CDH23: variants seen among roughly 807,000 people sequenced by gnomAD.
CDH23 encodes cadherin-23.
A neutral mutation model predicts 317.1 loss-of-function variants in CDH23; 189 were observed. That is an observed-to-expected ratio of 0.60 (90% CI 0.53 to 0.67). The LOEUF (loss-of-function observed/expected upper bound fraction) is 0.67, where lower values mean the gene tolerates loss of function less well. Among genes scored for constraint, CDH23 ranks in the 30% least tolerant of loss-of-function variants. CDH23 has a pLI of 0.00. For synonymous variants in CDH23, 1,839 were observed against 1,876.8 expected (o/e 0.98, Z 0.52); for missense variants, 4,401 against 4,592.4 (o/e 0.96, Z 1.20).
Position 71,800,710 on chromosome 10 carries a change from C to T in CDH23, c.7437C>T (p.Asp2479=). The T allele has an allele frequency of 6.2e-7, 1 of 1,614,008 alleles. No homozygotes were observed. Among genetic ancestry groups the T allele is most frequent in the Non-Finnish European group, 8.5e-7 (1 of 1,179,888 alleles). ...ATATCCTGACTGCCTTGGCCAAAGA[C>T]AACCCTGGGGATGTAGCCAGCAACC... ...DHYILTALAK[D]NPGDVASNRR... The change falls in exon 53 of 70, where the codon GAC becomes GAT. Residue 2479 remains aspartate (D), a synonymous_variant. Coordinates refer to ENST00000224721, the MANE Select transcript of CDH23 (RefSeq NM_022124.6).
chr10:71,448,171 C>T lies in CDH23; in HGVS notation c.145+1776C>T, dbSNP rs112047693. 2.6e-3 allele frequency among the ~76,000 whole-genome samples: 401 copies of T among 152,298 alleles called. 3 individuals carry two copies. The highest frequency in any genetic ancestry group is 8.6e-3 in the African/African-American group (356 of 41,558). ...TGCCAGGTTCTGAGCGTGGGGTCCT[C>T]AGAGGCCTATGTATTGGGATGGGTT... On this transcript the variant is annotated intron_variant, in intron 3 of 69. Transcript: ENST00000224721.
chr10:71,654,433 C>T (rs1564712495), intron 14 of CDH23, among the ~76,000 whole-genome samples: 1 of 152,194 alleles, frequency 6.6e-6, no homozygotes, highest in Non-Finnish European at 1.5e-5. Context: ...CCTTCTGTTC[C>T]CACAGAGCTT....
chr10:71,486,584 C>T (rs955148795), intron 3 of CDH23, among the ~76,000 whole-genome samples: 1 of 152,262 alleles, frequency 6.6e-6, no homozygotes, highest in Non-Finnish European at 1.5e-5. Context: ...TCATCTTACA[C>T]CAGACCTCCA....
At chr10:71,448,181 T>C (rs1445207688) in intron 3 of CDH23, among the ~76,000 whole-genome samples, 1 of 152,078 alleles carries the variant, frequency 6.6e-6, no homozygotes, top group Non-Finnish European at 1.5e-5. Flanking sequence ...CAGAGGCCTA[T>C]GTATTGGGAT....
intron 66 of CDH23, 106 bp from the exon 67 acceptor site, chr10:71,812,374 G>C (rs761595136): frequency 2.5e-6 from 4 of 1,602,148 alleles, no homozygotes; most frequent in Non-Finnish European, 3.4e-6. Context: ...TCAGTGAAAG[G>C]CACTATATGG....
intron 1 of CDH23, among the ~76,000 whole-genome samples, chr10:71,398,441 G>GTGTT (rs1434118874): frequency 7.2e-6 from 1 of 138,840 alleles, no homozygotes; most frequent in Non-Finnish European, 1.5e-5. Context: ...GTGTGTGTGT[G>GTGTT]TGTGTGTGTG....
rs759906431 is a variant in CDH23, at chr10:71,646,602, T to G, written c.1434T>G (p.Ser478=). The G allele has an allele frequency of 1.2e-6, 2 of 1,613,998 alleles. No individual in the cohort carries two copies. The highest frequency in any genetic ancestry group is 3.3e-5 in the Admixed American group (2 of 60,022). ...ACGAGAACGTCACCGTGGGGACCTC[T>G]GTGCTGACAGTCCTGGTGAGTCCCC... is the stretch of plus-strand genomic sequence containing the variant. ...SLYENVTVGT[S]VLTVLATDND... The change falls in exon 14 of 70, where the codon TCT becomes TCG. Residue 478 remains serine, a synonymous_variant. Coordinates refer to ENST00000224721, the MANE Select transcript of CDH23 (RefSeq NM_022124.6).
intron 1 of CDH23, among the ~76,000 whole-genome samples, chr10:71,406,409 G>C (rs34634659): frequency 0.39 from 59,002 of 152,026 alleles, 14,266 homozygotes; most frequent in East Asian, 0.55. Flanking sequence ...CCTGGGGCCA[G>C]GTAAATGCAA....
chr10:71,457,311 C>A (rs1850744166), intron 3 of CDH23, among the ~76,000 whole-genome samples: 1 of 152,198 alleles, frequency 6.6e-6, no homozygotes. Context: ...CCTGCACAAT[C>A]TTGTTTAACC....
chr10:71,624,174 G>A (rs891579692), intron 11 of CDH23, among the ~76,000 whole-genome samples: 15 of 152,136 alleles, frequency 9.9e-5, no homozygotes, highest in South Asian at 2.1e-4. Context: ...CCGGCTCCAC[G>A]GACTCGGTTC....
At chr10:71,572,194 TGG>T (rs1857864055) in intron 8 of CDH23, among the ~76,000 whole-genome samples, 1 of 152,222 alleles carries the variant, frequency 6.6e-6, no homozygotes, top group African/African-American at 2.4e-5. Context: ...TAGCATTCCG[TGG>T]GCAGTGGGAG....
Position 71,791,218 on chromosome 10 carries a change from A to C in CDH23, c.6136A>C (p.Ile2046Leu). ...GGAGCTGCTGCTGCTGGCTGAGGACATCGGGCTGCTCAACAGCACGGCCCA... is the reference window on the plus strand; with the variant it reads ...GGAGCTGCTGCTGCTGGCTGAGGACCTCGGGCTGCTCAACAGCACGGCCCA... ...ILELLLLAED[I>L]GLLNSTAHLL... The change falls in exon 47 of 70, where the codon ATC becomes CTC. Residue 2046 changes from isoleucine (I) to leucine (L), a missense_variant. This residue lies in a region of CDH23 where 3,068 missense variants were observed against 3,203.3 expected (regional missense o/e 0.96). Coordinates refer to ENST00000224721, the MANE Select transcript of CDH23 (RefSeq NM_022124.6). 6.2e-7 allele frequency: 1 copy of C among 1,613,752 alleles called. No homozygotes were observed. The highest frequency in any genetic ancestry group is 8.5e-7 in the Non-Finnish European group (1 of 1,179,796).
intron 38 of CDH23, among the ~76,000 whole-genome samples, chr10:71,756,846 G>A (rs1046392289): frequency 2.0e-5 from 3 of 152,202 alleles, no homozygotes; most frequent in African/African-American, 7.2e-5. Context: ...ATTTGTTTGG[G>A]AATAAAGGCT....
intron 14 of CDH23, among the ~76,000 whole-genome samples, chr10:71,669,004 C>A (rs1037024085): frequency 3.3e-5 from 5 of 152,182 alleles, no homozygotes; most frequent in Non-Finnish European, 5.9e-5. Context: ...TCAGAAGGAA[C>A]GCCTTATAAA....
intron 26 of CDH23, among the ~76,000 whole-genome samples, chr10:71,708,639 G>A (rs921778918): frequency 8.5e-5 from 13 of 152,196 alleles, no homozygotes; most frequent in African/African-American, 2.7e-4. Context: ...GAGATGAGGG[G>A]CCTGGGGGAT....
chr10:71,732,706 A>G, intron 32 of CDH23: 1 of 1,280,810 alleles, frequency 7.8e-7, no homozygotes, highest in African/African-American at 1.5e-5. Context: ...TAGGAGTAAG[A>G]TAAAGTTTAT....
At chr10:71,777,178 T>C (rs1262997864) in intron 38 of CDH23, among the ~76,000 whole-genome samples, 2 of 151,368 alleles carry the variant, frequency 1.3e-5, no homozygotes, top group African/African-American at 4.8e-5. Context: ...GCTGAAAATA[T>C]GTATTTCTTT....
Position 71,806,231 on chromosome 10 carries a change from G to A in CDH23, c.8128G>A (p.Val2710Met). ...VPYETMQPLQ[V>M]ALEDIDDNEP... Reference sequence around the variant, plus strand: ...ATACGAGACTATGCAGCCGCTGCAGGTGGCCCTGGAGGACATCGATGACAA... The same window carrying A: ...ATACGAGACTATGCAGCCGCTGCAGATGGCCCTGGAGGACATCGATGACAA... Residue 2710 changes from valine (V) to methionine (M), a missense_variant, in exon 57 of 70, where the codon GTG becomes ATG. Val to Met is a conservative substitution (Grantham distance 21). Transcript: ENST00000224721. 2 of 1,577,956 alleles carry A rather than the reference G, an allele frequency of 1.3e-6. No homozygotes were observed. The highest frequency in any genetic ancestry group is 1.8e-5 in the Admixed American group (1 of 54,794).
At chr10:71,471,001 G>T (rs1442142911) in intron 3 of CDH23, among the ~76,000 whole-genome samples, 1 of 152,108 alleles carries the variant, frequency 6.6e-6, no homozygotes, top group African/African-American at 2.4e-5. Context: ...AGTTTTGAGG[G>T]TTCCTTATAT....
Sources: gnomAD v4.1 joint callset for allele counts (sites outside exome capture counted in the v4.1 genomes callset) on GRCh38, gnomAD v4.1.1 for gene constraint, gnomAD v4.1.1 regional missense constraint, MANE v1.5 for transcripts, NCBI Gene and HGNC (gene_info 2026-07-23, HGNC 2026-07-21) for gene names.